The following CEP112 variants were observed in gnomAD, a reference collection of about 807,000 sequenced individuals.
CEP112 encodes centrosomal protein 112.
CEP112 carries 127 observed loss-of-function variants against 153.0 expected under a neutral mutation model. The observed-to-expected ratio is 0.83, with a 90% CI of 0.72 to 0.96. The LOEUF (loss-of-function observed/expected upper bound fraction) is 0.96, where lower values mean the gene tolerates loss of function less well. CEP112 is among the 40% of genes least tolerant of loss of function. The pLI, the probability that CEP112 is intolerant of heterozygous loss-of-function variation, is 0.00. For missense variants in CEP112, 1,089 were observed against 1,101.2 expected (o/e 0.99, Z 0.16); for synonymous variants, 358 against 374.4 (o/e 0.96, Z 0.51).
At position 66,191,497 on chromosome 17, in the gene CEP112, T is replaced by C. The variant is rs1359151191; in HGVS notation, c.-9+500A>G. Among the ~76,000 whole-genome samples, 5 of 152,226 alleles carry C rather than the reference T, an allele frequency of 3.3e-5. No individual in the cohort carries two copies. Among genetic ancestry groups the C allele is most frequent in the Non-Finnish European group, 5.9e-5 (4 of 68,040 alleles). On this transcript the variant is annotated intron_variant, in intron 1 of 26. Transcript: ENST00000535342. This position sits in a 1 kb window ranked among gnomAD's most constrained non-coding sequence, Gnocchi z 4.2. The stretch of plus-strand genomic sequence containing the variant: ...TGGGCTTGGGCCTCTCCAAGCGGCC[T>C]ATGACTTTCTGCAAACCAACCAGCG...
chr17:65,917,986 G>C (rs1433690383), intron 19 of CEP112, among the ~76,000 whole-genome samples: 1 of 152,018 alleles, frequency 6.6e-6, no homozygotes, highest in Non-Finnish European at 1.5e-5. Context: ...AGACCAGTCT[G>C]GGCAACACGA....
chr17:66,132,030 A>C lies in CEP112; in HGVS notation c.564+640T>G, dbSNP rs143302565. ...CTAAAGATACAAAAATTAGCCAGGCATGGTGGTGCATGCCTGTAGTCTCAG... is the reference window on the plus strand; with the variant it reads ...CTAAAGATACAAAAATTAGCCAGGCCTGGTGGTGCATGCCTGTAGTCTCAG... On this transcript the variant is annotated intron_variant, in intron 5 of 26. Transcript: ENST00000535342. 9.5e-3 allele frequency among the ~76,000 whole-genome samples: 1,412 copies of C among 149,246 alleles called. 19 individuals carry two copies. Among genetic ancestry groups the C allele is most frequent in the African/African-American group, 0.033 (1,329 of 40,568 alleles).
intron 20 of CEP112, among the ~76,000 whole-genome samples, chr17:65,887,775 C>T (rs1360612001): frequency 6.6e-6 from 1 of 152,192 alleles, no homozygotes; most frequent in African/African-American, 2.4e-5. Context: ...CAGCCTGATC[C>T]TGAAGAAGCT....
intron 24 of CEP112, among the ~76,000 whole-genome samples, chr17:65,686,422 T>C (rs2144328515): frequency 6.6e-6 from 1 of 152,376 alleles, no homozygotes; most frequent in Non-Finnish European, 1.5e-5. Flanking sequence ...ACTCTCAATA[T>C]ATTATGGAAT....
intron 15 of CEP112, 61 bp from the exon 16 acceptor site, chr17:66,027,621 AG>A (rs2065271750): frequency 1.9e-6 from 2 of 1,062,006 alleles, no homozygotes; most frequent in Non-Finnish European, 2.5e-6. Context: ...CAATAAAATT[AG>A]CAACCTAATT....
chr17:66,141,766 G>A (rs2070710651), intron 4 of CEP112, among the ~76,000 whole-genome samples: 1 of 152,014 alleles, frequency 6.6e-6, no homozygotes. Context: ...ACCATATTTT[G>A]TTAATCCATT....
intron 21 of CEP112, among the ~76,000 whole-genome samples, chr17:65,795,422 CAAA>C (rs2054854962): frequency 6.6e-6 from 1 of 152,140 alleles, no homozygotes; most frequent in Admixed American, 6.5e-5. Context: ...AGCAACTTGT[CAAA>C]GAACAGTAAG....
chr17:66,045,061 T>C (rs1460416319), intron 12 of CEP112, among the ~76,000 whole-genome samples: 1 of 145,984 alleles, frequency 6.9e-6, no homozygotes, highest in Non-Finnish European at 1.5e-5. Flanking sequence ...TTTTTCAAGC[T>C]AGAAACAAAA....
intron 21 of CEP112, among the ~76,000 whole-genome samples, chr17:65,822,514 C>T (rs979154723): frequency 6.6e-6 from 1 of 152,062 alleles, no homozygotes; most frequent in African/African-American, 2.4e-5. Flanking sequence ...ATTTGTATTA[C>T]TTTTTATTGT....
chr17:65,947,341 T>C (rs181791176), intron 18 of CEP112, among the ~76,000 whole-genome samples: 2 of 152,180 alleles, frequency 1.3e-5, no homozygotes, highest in Admixed American at 1.3e-4. Context: ...CAGTAGCTAG[T>C]AGAGAGCAGG....
intron 22 of CEP112, among the ~76,000 whole-genome samples, chr17:65,746,414 C>T (rs2051472636): frequency 6.6e-6 from 1 of 152,006 alleles, no homozygotes; most frequent in Admixed American, 6.6e-5. Context: ...TCAGGTGAAA[C>T]ACTTGGCTAG....
intron 24 of CEP112, among the ~76,000 whole-genome samples, chr17:65,677,425 T>C (rs1282983538): frequency 6.6e-6 from 1 of 152,216 alleles, no homozygotes; most frequent in Non-Finnish European, 1.5e-5. Flanking sequence ...TTACATGCAT[T>C]TGAACACTTT....
At chr17:66,137,608 T>C (rs7209395) in intron 4 of CEP112, among the ~76,000 whole-genome samples, 32,100 of 152,088 alleles carry the variant, frequency 0.21, 3,721 homozygotes, top group Middle Eastern at 0.34. Flanking sequence ...CTCATAAAAC[T>C]GTAAAAGGAT....
intron 24 of CEP112, among the ~76,000 whole-genome samples, chr17:65,681,533 A>G (rs2047524464): frequency 6.7e-6 from 1 of 149,138 alleles, no homozygotes; most frequent in Admixed American, 6.8e-5. Flanking sequence ...TCCTGCTAGC[A>G]TCTAGGATGC....
chr17:66,111,473 T>C (rs559019130), intron 6 of CEP112, among the ~76,000 whole-genome samples: 37 of 152,222 alleles, frequency 2.4e-4, no homozygotes, highest in African/African-American at 3.6e-4. Flanking sequence ...CAATGACGGA[T>C]TGGATAAAGA....
At chr17:65,917,959 C>A (rs1223626654) in intron 19 of CEP112, among the ~76,000 whole-genome samples, 1 of 152,022 alleles carries the variant, frequency 6.6e-6, no homozygotes, top group Non-Finnish European at 1.5e-5. Flanking sequence ...GGTGGATTGC[C>A]TGAGCTCAGG....
At chr17:65,795,230 C>T (rs8079235) in intron 21 of CEP112, among the ~76,000 whole-genome samples, 3,158 of 152,262 alleles carry the variant, frequency 0.021, 93 homozygotes, top group African/African-American at 0.072. Flanking sequence ...CATGATCACA[C>T]TACTAACTGT....
At chr17:65,871,155 C>G (rs980894553) in intron 20 of CEP112, among the ~76,000 whole-genome samples, 2 of 152,168 alleles carry the variant, frequency 1.3e-5, no homozygotes, top group African/African-American at 4.8e-5. Context: ...CACTGGGACA[C>G]AAACAGTTGA....
intron 24 of CEP112, among the ~76,000 whole-genome samples, chr17:65,669,834 C>T (rs560382830): frequency 1.4e-5 from 2 of 147,370 alleles, no homozygotes; most frequent in East Asian, 2.0e-4. Flanking sequence ...ACCCGGGAGG[C>T]GGAGGTTGCG....
Sources: allele counts gnomAD v4.1 joint callset (sites outside exome capture counted in the v4.1 genomes callset), GRCh38; gene constraint gnomAD v4.1.1; non-coding constraint Gnocchi (gnomAD v3.1); transcripts MANE v1.5; gene names NCBI Gene and HGNC (gene_info 2026-07-23, HGNC 2026-07-21).